The following NLGN4X variants were observed in gnomAD, a reference collection of about 807,000 sequenced individuals.
NLGN4X encodes neuroligin-4, X-linked.
Under a neutral mutation model 40.3 loss-of-function variants are expected in NLGN4X, and 3 were observed. The ratio of observed to expected loss-of-function variants is 0.07; its 90% CI spans 0.03 to 0.19. NLGN4X has a LOEUF of 0.19. NLGN4X is among the 10% of genes least tolerant of loss of function. NLGN4X has a pLI of 1.00. For synonymous variants in NLGN4X, 270 were observed against 306.8 expected (o/e 0.88, Z 1.25); for missense variants, 382 against 708.3 (o/e 0.54, Z 5.23).
rs555785354 is a variant in NLGN4X, at chrX:5,907,722, C to T, written c.811+1332G>A. Among the ~76,000 whole-genome samples, 5 of 109,956 alleles carry T rather than the reference C, an allele frequency of 4.5e-5. 1 individual carries two copies. The South Asian group carries it at 2.0e-3, about 44-fold the overall frequency. ...GCAGAGGACCTCGTGCTGACTGGCC[C>T]AGCAAGGAGGTCCTTCGTGAAAGTC... On this transcript the variant is annotated intron_variant, in intron 4 of 5. Transcript: ENST00000381095.
At chrX:6,040,062 C>T (rs781080392) in intron 2 of NLGN4X, among the ~76,000 whole-genome samples, 3 of 111,225 alleles carry the variant, frequency 2.7e-5, no homozygotes, top group Non-Finnish European at 5.7e-5. Flanking sequence ...CTCAGCCTCC[C>T]GAGTAGCTGG....
At chrX:6,004,225 A>G (rs1359645099) in intron 3 of NLGN4X, among the ~76,000 whole-genome samples, 3 of 112,591 alleles carry the variant, frequency 2.7e-5, no homozygotes, top group Non-Finnish European at 5.6e-5. Context: ...TAAATGAATG[A>G]AAGGAGATTT....
intron 2 of NLGN4X, among the ~76,000 whole-genome samples, chrX:6,132,845 C>T (rs2039710531): frequency 9.0e-6 from 1 of 110,827 alleles, no homozygotes; most frequent in Admixed American, 9.7e-5. Context: ...GCAGCTAGCA[C>T]ACTTGGCTCA....
At chrX:5,970,843 A>C (rs1410797462) in intron 3 of NLGN4X, among the ~76,000 whole-genome samples, 2 of 112,043 alleles carry the variant, frequency 1.8e-5, no homozygotes, top group African/African-American at 6.5e-5. Flanking sequence ...AATTAGACTA[A>C]TGATGACAGG....
chrX:6,064,717 T>C (rs1017421365), intron 2 of NLGN4X, among the ~76,000 whole-genome samples: 5 of 111,095 alleles, frequency 4.5e-5, no homozygotes, highest in Non-Finnish European at 7.5e-5. Flanking sequence ...TAAAAACTAT[T>C]AAGAGACAAG....
intron 3 of NLGN4X, among the ~76,000 whole-genome samples, chrX:6,010,400 C>A (rs964793752): frequency 3.6e-5 from 4 of 109,735 alleles, no homozygotes; most frequent in African/African-American, 1.3e-4. Flanking sequence ...AAAGACCCTT[C>A]CATCTGTTAT....
chrX:6,182,630 G>A (rs1437445220), intron 1 of NLGN4X, among the ~76,000 whole-genome samples: 1 of 111,922 alleles, frequency 8.9e-6, no homozygotes, highest in Non-Finnish European at 1.9e-5. Context: ...GAGATAAAGA[G>A]ATGATCCTGG....
In NLGN4X at chrX:6,167,410, T is replaced by G. The variant is rs186665116; in HGVS notation, c.-305-15639A>C. On this transcript the variant is annotated intron_variant, in intron 1 of 5. Transcript: ENST00000381095. The stretch of plus-strand genomic sequence containing the variant: ...CAACTGCACACATGGTCCTTCTCTG[T>G]CTGAACCAAAGCTACTTAAATATCA... Among the ~76,000 whole-genome samples the G allele has an allele frequency of 6.2e-5, 7 of 112,409 alleles. No individual in the cohort carries two copies. In the East Asian group the frequency reaches 1.7e-3, roughly 27 times the overall value.
intron 3 of NLGN4X, among the ~76,000 whole-genome samples, chrX:5,998,446 C>A (rs969002903): frequency 9.2e-6 from 1 of 108,932 alleles, no homozygotes. Flanking sequence ...AATTGTGCAT[C>A]TTTTTATCAT....
chrX:5,890,074 A>G lies in NLGN4X; in HGVS notation c.*2743T>C. ...ATACTGTGATATTTTATTATTAAAA[A>G]TGCTGCTGAAAAGTTTATACATATG... On this transcript the variant is annotated 3_prime_UTR_variant, in exon 6 of 6. Coordinates refer to ENST00000381095, the MANE Select transcript of NLGN4X (RefSeq NM_181332.3). 1 of 223,846 alleles carries G rather than the reference A, an allele frequency of 4.5e-6. No individual in the cohort carries two copies. Among genetic ancestry groups the G allele is most frequent in the Non-Finnish European group, 8.2e-6 (1 of 122,188 alleles). The allele number at this position is 223,846 out of a possible 1,213,427, so 18.4% of individuals were successfully genotyped here. A position where few individuals can be genotyped will look rare whatever the true frequency, so the allele number is the denominator to read the frequency against.
At chrX:6,146,192 G>A (rs754795356) in intron 2 of NLGN4X, among the ~76,000 whole-genome samples, 1 of 110,607 alleles carries the variant, frequency 9.0e-6, no homozygotes, top group Admixed American at 9.6e-5. Context: ...CACAGCTTCT[G>A]TTACCACGCC....
chrX:5,990,686 G>A (rs888557381), intron 3 of NLGN4X, among the ~76,000 whole-genome samples: 1 of 111,579 alleles, frequency 9.0e-6, no homozygotes. Flanking sequence ...TTTAGACAGT[G>A]GGGATAAAGA....
chrX:6,128,043 T>G (rs887449472), intron 2 of NLGN4X, among the ~76,000 whole-genome samples: 1 of 110,947 alleles, frequency 9.0e-6, no homozygotes, highest in Non-Finnish European at 1.9e-5. Context: ...CCTCAAGAGA[T>G]CCTCTGTCTC....
intron 3 of NLGN4X, among the ~76,000 whole-genome samples, chrX:5,955,156 T>C (rs895580257): frequency 1.8e-5 from 2 of 112,330 alleles, no homozygotes; most frequent in Non-Finnish European, 3.8e-5. Context: ...TACCATCTGG[T>C]AACACCTCAG....
intron 3 of NLGN4X, among the ~76,000 whole-genome samples, chrX:5,984,145 G>A (rs2035464514): frequency 9.0e-6 from 1 of 111,061 alleles, no homozygotes; most frequent in South Asian, 3.8e-4. Context: ...AAATAACTAG[G>A]AAGAATGCAT....
At chrX:6,196,991 C>CA (rs1336582774) in intron 1 of NLGN4X, among the ~76,000 whole-genome samples, 1 of 111,711 alleles carries the variant, frequency 9.0e-6, no homozygotes, top group Non-Finnish European at 1.9e-5. Flanking sequence ...GAATGCAGAC[C>CA]ACTAACACTC....
intron 1 of NLGN4X, among the ~76,000 whole-genome samples, chrX:6,185,309 C>A (rs944114119): frequency 8.9e-6 from 1 of 111,755 alleles, no homozygotes; most frequent in African/African-American, 3.3e-5. Context: ...CTTAAATTGA[C>A]CAAGACTTAG....
At chrX:5,906,596 G>A (rs2032197452) in intron 4 of NLGN4X, among the ~76,000 whole-genome samples, 1 of 111,384 alleles carries the variant, frequency 9.0e-6, no homozygotes. Flanking sequence ...CTGCAGCCTC[G>A]ACATCCCTGG....
intron 2 of NLGN4X, among the ~76,000 whole-genome samples, chrX:6,080,085 G>T (rs1311075073): frequency 9.4e-6 from 1 of 106,724 alleles, no homozygotes; most frequent in Non-Finnish European, 1.9e-5. Flanking sequence ...TAATGTGAAT[G>T]CATGAATGCT....
Sources: gnomAD v4.1 joint callset for allele counts (sites outside exome capture counted in the v4.1 genomes callset) on GRCh38, gnomAD v4.1.1 for gene constraint, MANE v1.5 for transcripts, NCBI Gene and HGNC (gene_info 2026-07-23, HGNC 2026-07-21) for gene names.